The following HACD4 variants were observed in gnomAD, a reference collection of about 807,000 sequenced individuals.
HACD4 encodes the protein very-long-chain (3R)-3-hydroxyacyl-CoA dehydratase 4.
Under a neutral mutation model 33.3 loss-of-function variants are expected in HACD4, and 35 were observed. That is an observed-to-expected ratio of 1.05 (90% CI 0.80 to 1.39). The LOEUF (loss-of-function observed/expected upper bound fraction) is 1.39, where lower values mean the gene tolerates loss of function less well. HACD4 is among the 40% of genes most tolerant of loss of function. The pLI is 0.00. For synonymous variants in HACD4, 118 were observed against 98.0 expected, an observed-to-expected ratio of 1.20 and a Z score of -1.21; for missense variants, 323 against 276.5, an observed-to-expected ratio of 1.17 and a Z score of -1.19.
rs562105320 is a variant in HACD4 at position 20,999,751 on chromosome 9, A to G, written c.*7286T>C. 2.0e-5 allele frequency: 3 copies of G among 152,340 alleles called. No individual in the cohort carries two copies. In the East Asian group the frequency reaches 5.8e-4, roughly 29 times the overall value. 9.4% of individuals were successfully genotyped at this position (152,340 alleles called of 1,614,324 possible). A position where few individuals can be genotyped will look rare whatever the true frequency, so the allele number is the denominator to read the frequency against. On this transcript the variant is annotated 3_prime_UTR_variant, in exon 7 of 7. Coordinates refer to ENST00000495827, the MANE Select transcript of HACD4 (RefSeq NM_001010915.5). ...GTTCTTTAAAGATAGAGTTGCACAC[A>G]CAATTATGGGTGTCTATTATGTGCC... is the stretch of plus-strand genomic sequence containing the variant.
Position 21,022,129 on chromosome 9 carries a change from A to C in HACD4, c.270+4467T>G, listed in dbSNP as rs1817930034. Among the ~76,000 whole-genome samples, 3 of 152,240 alleles carry C rather than the reference A, an allele frequency of 2.0e-5. No homozygotes were observed. In the South Asian group the frequency reaches 6.2e-4, roughly 31 times the overall value. ...AACCTGACAAAAACAACAAATGGGG[A>C]AAGGATTCCCTATTTAATAAATGGT... On this transcript the variant is annotated intron_variant, in intron 3 of 6. Transcript: ENST00000495827.
Position 21,004,292 on chromosome 9 carries a change from C to G in HACD4, c.*2745G>C, listed in dbSNP as rs1323452031. On this transcript the variant is annotated 3_prime_UTR_variant, in exon 7 of 7. Coordinates refer to ENST00000495827, the MANE Select transcript of HACD4 (RefSeq NM_001010915.5). The surrounding 1 kb of genome is among the most constrained non-coding windows in gnomAD (Gnocchi z 4.6). Reference sequence around the variant, plus strand: ...ATAGTGCTAGGATTACAGGTATGAGCCAGCATGCCTGGCCAGGGTCTTCTT... The same window carrying G: ...ATAGTGCTAGGATTACAGGTATGAGGCAGCATGCCTGGCCAGGGTCTTCTT... The G allele has an allele frequency of 1.3e-5, 2 of 152,222 alleles. No individual in the cohort carries two copies. The highest frequency in any genetic ancestry group is 2.9e-5 in the Non-Finnish European group (2 of 68,084). The allele number at this position is 152,222 out of a possible 1,614,324, so 9.4% of individuals were successfully genotyped here.
At chr9:21,031,107 C>T (rs569301660) in intron 1 of HACD4, among the ~76,000 whole-genome samples, 5 of 152,278 alleles carry the variant, frequency 3.3e-5, no homozygotes, top group African/African-American at 1.2e-4. Flanking sequence ...GTGGGTTAAA[C>T]ATATACACCC....
At chr9:21,009,913 G>A (rs1842371184) in intron 5 of HACD4, among the ~76,000 whole-genome samples, 1 of 152,120 alleles carries the variant, frequency 6.6e-6, no homozygotes, top group African/African-American at 2.4e-5. Flanking sequence ...GGTTCTTACT[G>A]TTTTCAAGAC....
rs1842139482 is a variant in HACD4 at position 20,999,802 on chromosome 9, C to A, written c.*7235G>T. On this transcript the variant is annotated 3_prime_UTR_variant, in exon 7 of 7. Transcript: ENST00000495827. ...ACTATACAAGTTTCTGGGGTACAAT[C>A]TGAACAAAACGTGTCATCCCTGCTC... 1 of 152,174 alleles carries A rather than the reference C, an allele frequency of 6.6e-6. No individual in the cohort carries two copies. The highest frequency in any genetic ancestry group is 1.5e-5 in the Non-Finnish European group (1 of 68,022). 9.4% of individuals were successfully genotyped at this position (152,174 alleles called of 1,614,324 possible).
chr9:21,012,869 C>A (rs371509450), intron 4 of HACD4, among the ~76,000 whole-genome samples: 1 of 152,040 alleles, frequency 6.6e-6, no homozygotes, highest in Non-Finnish European at 1.5e-5. Context: ...GGGTTCAAGA[C>A]CAGCCTGGCC....
At chr9:21,007,939 AACC>A in intron 6 of HACD4, 79 bp downstream of exon 6, 1 of 1,306,602 alleles carries the variant, frequency 7.7e-7, no homozygotes. Context: ...CATGTTTACC[AACC>A]TGTATATTAA....
intron 3 of HACD4, among the ~76,000 whole-genome samples, chr9:21,026,254 C>T (rs1006141424): frequency 3.9e-5 from 6 of 152,166 alleles, no homozygotes; most frequent in African/African-American, 1.4e-4. Context: ...AGCAGAAAAG[C>T]CAGGCTTCAA....
intron 3 of HACD4, among the ~76,000 whole-genome samples, chr9:21,021,601 C>A (rs1817914842): frequency 6.6e-6 from 1 of 152,056 alleles, no homozygotes; most frequent in Non-Finnish European, 1.5e-5. Flanking sequence ...AAACAGAGAG[C>A]CAAATCATGA....
intron 2 of HACD4, among the ~76,000 whole-genome samples, chr9:21,027,606 G>A (rs1303711842): frequency 2.6e-5 from 4 of 152,172 alleles, no homozygotes; most frequent in African/African-American, 9.7e-5. Flanking sequence ...CCACTGCCCT[G>A]CACTTGCTGT....
chr9:21,031,355 G>C (rs1818213194), intron 1 of HACD4, 198 bp downstream of exon 1: 1 of 622,874 alleles, frequency 1.6e-6, no homozygotes, highest in Admixed American at 6.3e-5. Flanking sequence ...GAAAATAACA[G>C]AGCCTGCTTC....
rs1842138100 is a variant in HACD4, at chr9:20,999,724, G to C, written c.*7313C>G. 2.6e-5 allele frequency: 4 copies of C among 152,112 alleles called. No homozygotes were observed. The highest frequency in any genetic ancestry group is 6.5e-5 in the Admixed American group (1 of 15,274). The allele number at this position is 152,112 out of a possible 1,614,324, so 9.4% of individuals were successfully genotyped here. On this transcript the variant is annotated 3_prime_UTR_variant, in exon 7 of 7. Transcript: ENST00000495827. ...AAATATATTTCTAGATGTAGTAGTG[G>C]CGTTCTTTAAAGATAGAGTTGCACA...
rs1180336444 is a variant in HACD4 at position 21,031,621 on chromosome 9, TCCAGGAAGGAGTA to T, written c.-44_-32del. On this transcript the variant is annotated 5_prime_UTR_variant, in exon 1 of 7. Coordinates refer to ENST00000495827, the MANE Select transcript of HACD4 (RefSeq NM_001010915.5). Reference sequence around the variant, plus strand: ...GCCGCCGCCAGGGCTTCCAGCGCGGTCCAGGAAGGAGTACCGGGGAGGAGGCAGGGGCGGCCCC... The same window carrying T: ...GCCGCCGCCAGGGCTTCCAGCGCGGTCCGGGGAGGAGGCAGGGGCGGCCCC... 2.2e-6 allele frequency: 3 copies of T among 1,384,448 alleles called. No homozygotes were observed. In the Admixed American group the frequency reaches 1.1e-4, roughly 48 times the overall value. The allele number at this position is 1,384,448 out of a possible 1,614,324, so 85.8% of individuals were successfully genotyped here. A position where few individuals can be genotyped will look rare whatever the true frequency, so the allele number is the denominator to read the frequency against.
intron 2 of HACD4, among the ~76,000 whole-genome samples, chr9:21,028,671 G>A (rs1301525544): frequency 1.3e-5 from 2 of 152,128 alleles, no homozygotes; most frequent in East Asian, 1.9e-4. Context: ...ACCCACGTGC[G>A]GATGGAACAT....
At chr9:21,011,524 T>C (rs1384732627) in intron 5 of HACD4, 65 bp downstream of exon 5, 2 of 947,430 alleles carry the variant, frequency 2.1e-6, no homozygotes, top group South Asian at 1.3e-5. Flanking sequence ...TCAAAAAATT[T>C]AGTGAACCAT....
intron 5 of HACD4, among the ~76,000 whole-genome samples, chr9:21,011,323 A>C (rs555134914): frequency 6.6e-6 from 1 of 152,184 alleles, no homozygotes; most frequent in Non-Finnish European, 1.5e-5. Context: ...TGAGAGGTTA[A>C]ATGAGTTACC....
chr9:21,014,760 C>G (rs1387786679), intron 4 of HACD4, among the ~76,000 whole-genome samples: 1 of 152,052 alleles, frequency 6.6e-6, no homozygotes, highest in Non-Finnish European at 1.5e-5. Context: ...AAGTGATTTG[C>G]CCAACATCAC....
At chr9:21,011,566 A>T (rs755497371) in intron 5 of HACD4, 23 bp downstream of exon 5, 1 of 1,400,406 alleles carries the variant, frequency 7.1e-7, no homozygotes, top group Admixed American at 1.7e-5. Flanking sequence ...AGTAAGCAAT[A>T]CAGCAAGTCA....
intron 1 of HACD4, among the ~76,000 whole-genome samples, chr9:21,030,585 G>C (rs554704363): frequency 2.0e-5 from 3 of 152,222 alleles, no homozygotes; most frequent in Non-Finnish European, 2.9e-5. Flanking sequence ...GTTCTGAAGG[G>C]GGGTAGGGAT....
Sources: allele counts gnomAD v4.1 joint callset (sites outside exome capture counted in the v4.1 genomes callset), GRCh38; gene constraint gnomAD v4.1.1; non-coding constraint Gnocchi (gnomAD v3.1); transcripts MANE v1.5; gene names NCBI Gene and HGNC (gene_info 2026-07-23, HGNC 2026-07-21).